Variants in CYP4F3 observed in about 807,000 individuals in gnomAD.
The protein encoded by CYP4F3 is cytochrome P450 4F3.
Under a neutral mutation model 54.8 loss-of-function variants are expected in CYP4F3, and 50 were observed. The observed-to-expected ratio is 0.91, with a 90% CI of 0.73 to 1.16. The LOEUF (loss-of-function observed/expected upper bound fraction) is 1.16. CYP4F3 is among the 50% of genes most tolerant of loss of function. CYP4F3 has a pLI of 0.00. For synonymous variants in CYP4F3, 244 were observed against 262.6 expected (o/e 0.93, Z 0.69); for missense variants, 715 against 676.2 (o/e 1.06, Z -0.64).
chr19:15,643,951 G>A (rs1173604399), intron 2 of CYP4F3: 5 of 1,605,882 alleles, frequency 3.1e-6, no homozygotes, highest in Non-Finnish European at 3.4e-6. Flanking sequence ...CTCAGCTGGT[G>A]GCCACCTACC....
Position 15,645,752 on chromosome 19 carries a change from C to T in CYP4F3, c.232C>T (p.Gln78Ter). ...CTCGGAGGAAGGTCTCCTATACACA[C>T]AAAGCCTGGCATGCACCTTCGGTGA... ...HSSEEGLLYT[Q>*]SLACTFGDMC... Residue 78 changes from glutamine to a stop codon, truncating the protein, a stop_gained, in exon 3 of 13, where the codon CAA becomes TAA. Transcript: ENST00000221307. LOFTEE classifies it high-confidence loss of function. The T allele has an allele frequency of 6.2e-7, 1 of 1,613,932 alleles. No homozygotes were observed. The highest frequency in any genetic ancestry group is 8.5e-7 in the Non-Finnish European group (1 of 1,179,836).
At chr19:15,651,323 G>C (rs769110416) in intron 7 of CYP4F3, among the ~76,000 whole-genome samples, 2 of 135,098 alleles carry the variant, frequency 1.5e-5, no homozygotes, top group Non-Finnish European at 3.3e-5. Context: ...ATGTTTTTTT[G>C]TCTGTGTCTA....
At chr19:15,657,862 T>G (rs28371496) in intron 9 of CYP4F3, among the ~76,000 whole-genome samples, 4,695 of 152,318 alleles carry the variant, frequency 0.031, 100 homozygotes, top group Non-Finnish European at 0.048. Flanking sequence ...GTATTAAGAT[T>G]GATTTTTTTC....
chr19:15,643,789 C>T (rs576681994), intron 2 of CYP4F3: 2 of 1,259,328 alleles, frequency 1.6e-6, no homozygotes, highest in Admixed American at 4.0e-5. Context: ...GAATGCCAGT[C>T]TCTTCTGGAA....
Position 15,645,709 on chromosome 19 carries a change from T to G in CYP4F3, c.199-10T>G. The stretch of plus-strand genomic sequence containing the variant: ...AGAGCATGAATTGGGTCCTGTGTCT[T>G]TCTCTCCAGATTCACAGCTCGGAGG... On this transcript the variant is annotated splice_polypyrimidine_tract_variant and intron_variant, in intron 2 of 12. Transcript: ENST00000221307. 6.3e-7 allele frequency: 1 copy of G among 1,599,904 alleles called. No homozygotes were observed. Among genetic ancestry groups the G allele is most frequent in the Non-Finnish European group, 8.5e-7 (1 of 1,170,092 alleles).
rs28371499 is a variant in CYP4F3, at chr19:15,658,903, G to A, written c.1397+94G>A. On this transcript the variant is annotated intron_variant, in intron 12 of 12. Transcript: ENST00000221307. ...AAAAGGGGGACATTGTAGACGGTCC[G>A]AGTTCCAGCTCTCCTTCCCTCACCT... 1.4e-3 allele frequency: 2,075 copies of A among 1,479,828 alleles called. 18 individuals are homozygous for A. In the African/African-American group the frequency reaches 0.022, roughly 16 times the overall value. The allele number at this position is 1,479,828 out of a possible 1,614,324, so 91.7% of individuals were successfully genotyped here. A position where few individuals can be genotyped will look rare whatever the true frequency, so the allele number is the denominator to read the frequency against.
At chr19:15,649,086 A>C in intron 5 of CYP4F3, 74 bp from the exon 6 acceptor site, 13 of 1,592,736 alleles carry the variant, frequency 8.2e-6, no homozygotes, top group Non-Finnish European at 1.0e-5. Flanking sequence ...GGGCGTGCAT[A>C]TTGATTGTTG....
At position 15,662,427 on chromosome 19, in the gene CYP4F3, C is replaced by T. The variant is rs894158542; in HGVS notation, c.*3042C>T. The T allele has an allele frequency of 2.0e-5, 3 of 151,664 alleles. No individual in the cohort carries two copies. The highest frequency in any genetic ancestry group is 4.4e-5 in the Non-Finnish European group (3 of 67,970). The allele number at this position is 151,664 out of a possible 1,614,324, so 9.4% of individuals were successfully genotyped here. A position where few individuals can be genotyped will look rare whatever the true frequency, so the allele number is the denominator to read the frequency against. On this transcript the variant is annotated 3_prime_UTR_variant, in exon 13 of 13. Transcript: ENST00000221307. ...ATTCTATTCCATGTTGGACCAATAC[C>T]ACACTGCCCTAGTCACTGTTGCATT...
Position 15,649,287 on chromosome 19 carries a change from T to C in CYP4F3, c.647+6T>C. 1 of 1,612,716 alleles carries C rather than the reference T, an allele frequency of 6.2e-7. No individual in the cohort carries two copies. The highest frequency in any genetic ancestry group is 8.5e-7 in the Non-Finnish European group (1 of 1,179,050). On this transcript the variant is annotated splice_donor_region_variant and intron_variant, in intron 6 of 12. Coordinates refer to ENST00000221307, the MANE Select transcript of CYP4F3 (RefSeq NM_000896.3). Reference sequence around the variant, plus strand: ...TTTGACAGCCATTGCCAGGAGTAAGTTCTTGCCCAGGGTCTGGGATCCTGG... The same window carrying C: ...TTTGACAGCCATTGCCAGGAGTAAGCTCTTGCCCAGGGTCTGGGATCCTGG...
rs967288670 is a variant in CYP4F3, at chr19:15,661,892, T to G, written c.*2507T>G. 14 of 152,186 alleles carry G rather than the reference T, an allele frequency of 9.2e-5. No individual in the cohort carries two copies. Among genetic ancestry groups the G allele is most frequent in the African/African-American group, 3.4e-4 (14 of 41,444 alleles). The allele number at this position is 152,186 out of a possible 1,614,324, so 9.4% of individuals were successfully genotyped here. The stretch of plus-strand genomic sequence containing the variant: ...TTACATGTAATTCCATAATCTCCAT[T>G]TAGTTAAATTTTGTATGGGGTGTGA... On this transcript the variant is annotated 3_prime_UTR_variant, in exon 13 of 13. Transcript: ENST00000221307.
chr19:15,641,635 G>A (rs771412778), intron 2 of CYP4F3, 22 bp downstream of exon 2: 53 of 1,596,662 alleles, frequency 3.3e-5, no homozygotes, highest in Non-Finnish European at 4.4e-5. Flanking sequence ...AGCAGGACGG[G>A]TCTGGGGTCT....
At chr19:15,648,773 C>T (rs896649774) in intron 5 of CYP4F3, among the ~76,000 whole-genome samples, 1 of 152,146 alleles carries the variant, frequency 6.6e-6, no homozygotes, top group African/African-American at 2.4e-5. Context: ...GGGAGCTAAC[C>T]CAAGTTCACC....
intron 9 of CYP4F3, among the ~76,000 whole-genome samples, chr19:15,656,996 T>C (rs1430501595): frequency 6.6e-6 from 1 of 152,192 alleles, no homozygotes; most frequent in Non-Finnish European, 1.5e-5. Flanking sequence ...TTTTCAATTA[T>C]AGTCAATATT....
chr19:15,660,826 C>T lies in CYP4F3; in HGVS notation c.*1441C>T, dbSNP rs888208204. 4 of 151,256 alleles carry T rather than the reference C, an allele frequency of 2.6e-5. No homozygotes were observed. The highest frequency in any genetic ancestry group is 9.7e-5 in the African/African-American group (4 of 41,080). The allele number at this position is 151,256 out of a possible 1,614,324, so 9.4% of individuals were successfully genotyped here. A position where few individuals can be genotyped will look rare whatever the true frequency, so the allele number is the denominator to read the frequency against. The stretch of plus-strand genomic sequence containing the variant: ...CCGCCTCCTGCGTTCAAGTGATTGT[C>T]CTGTCTCAGCCTCCCAAGTAGCTGG... On this transcript the variant is annotated 3_prime_UTR_variant, in exon 13 of 13. Coordinates refer to ENST00000221307, the MANE Select transcript of CYP4F3 (RefSeq NM_000896.3).
chr19:15,646,154 T>C (rs1471172558), intron 3 of CYP4F3, among the ~76,000 whole-genome samples: 1 of 152,190 alleles, frequency 6.6e-6, no homozygotes, highest in Non-Finnish European at 1.5e-5. Context: ...ACACCTGAAA[T>C]ATGTTATACC....
At chr19:15,645,283 C>T (rs944039456) in intron 2 of CYP4F3, among the ~76,000 whole-genome samples, 5 of 152,204 alleles carry the variant, frequency 3.3e-5, no homozygotes, top group Non-Finnish European at 7.3e-5. Flanking sequence ...TTTCTGATTG[C>T]CTAGTCTCGG....
chr19:15,650,710 T>C lies in CYP4F3; in HGVS notation c.918+527T>C, dbSNP rs1259804077. 5.4e-5 allele frequency among the ~76,000 whole-genome samples: 3 copies of C among 55,308 alleles called. 1 individual carries two copies. Among genetic ancestry groups the C allele is most frequent in the African/African-American group, 1.3e-4 (1 of 7,978 alleles). The allele number at this position is 55,308 out of a possible 152,430, so 36.3% of individuals were successfully genotyped here. A position where few individuals can be genotyped will look rare whatever the true frequency, so the allele number is the denominator to read the frequency against. On this transcript the variant is annotated intron_variant, in intron 7 of 12. Coordinates refer to ENST00000221307, the MANE Select transcript of CYP4F3 (RefSeq NM_000896.3). Reference sequence around the variant, plus strand: ...TTTCTTTCTTTCTTTCTTTCTTTCTTTCTTTCTTTCTTTCTTTCTTTCTTT... The same window carrying C: ...TTTCTTTCTTTCTTTCTTTCTTTCTCTCTTTCTTTCTTTCTTTCTTTCTTT...
chr19:15,642,475 C>T (rs183992220), intron 2 of CYP4F3, among the ~76,000 whole-genome samples: 8 of 152,152 alleles, frequency 5.3e-5, no homozygotes, highest in Non-Finnish European at 1.0e-4. Flanking sequence ...GGTGGAGGAA[C>T]CAGCCAGGGC....
At chr19:15,642,884 AGATGGATGGATG>A (rs29001545) in intron 2 of CYP4F3, among the ~76,000 whole-genome samples, 14 of 150,856 alleles carry the variant, frequency 9.3e-5, no homozygotes, top group South Asian at 4.2e-4. Flanking sequence ...TGCATGGATA[AGATGGATGGATG>A]GATGGATGGA....
Sources: allele counts gnomAD v4.1 joint callset (sites outside exome capture counted in the v4.1 genomes callset), GRCh38; gene constraint gnomAD v4.1.1; transcripts MANE v1.5; gene names NCBI Gene and HGNC (gene_info 2026-07-23, HGNC 2026-07-21).